LAP3: variants seen among roughly 807,000 people sequenced by gnomAD.
LAP3 encodes the protein leucine aminopeptidase 3, also known as cytosol aminopeptidase.
In LAP3, 46 loss-of-function variants were observed where a neutral mutation model predicts 58.8. That is an observed-to-expected ratio of 0.78 (90% CI 0.62 to 1.00). LAP3 has a LOEUF of 1.00. LAP3 is among the 50% of genes least tolerant of loss of function. The pLI is 0.00. For missense variants in LAP3, 615 were observed against 659.1 expected, an observed-to-expected ratio of 0.93 and a Z score of 0.73; for synonymous variants, 257 against 237.7, an observed-to-expected ratio of 1.08 and a Z score of -0.75.
chr4:17,581,868 C>T (rs769669550), intron 3 of LAP3, 54 bp downstream of exon 3: 8 of 1,368,288 alleles, frequency 5.8e-6, no homozygotes, highest in Admixed American at 1.7e-5. Context: ...CTACTGTACA[C>T]CAAGTATTGG....
intron 7 of LAP3, 76 bp downstream of exon 7, chr4:17,589,053 T>G (rs1486900599): frequency 4.7e-6 from 7 of 1,475,860 alleles, no homozygotes; most frequent in Non-Finnish European, 6.3e-6. Context: ...TTATAGGGTT[T>G]TTTGGTTTGA....
chr4:17,607,754 A>G lies in LAP3; in HGVS notation c.*165A>G, dbSNP rs1015952544. ...CCTTGATTTTTTTTTCATTTCACAC[A>G]AAGATTTATAAAGGTAAAGTTAATA... On this transcript the variant is annotated 3_prime_UTR_variant, in exon 13 of 13. Transcript: ENST00000226299. 2 of 528,414 alleles carry G rather than the reference A, an allele frequency of 3.8e-6. No individual in the cohort carries two copies. The highest frequency in any genetic ancestry group is 3.3e-6 in the Non-Finnish European group (1 of 304,890). The allele number at this position is 528,414 out of a possible 1,614,324, so 32.7% of individuals were successfully genotyped here.
chr4:17,589,122 G>A (rs186500602), intron 7 of LAP3, 145 bp downstream of exon 7: 26 of 781,130 alleles, frequency 3.3e-5, no homozygotes, highest in East Asian at 8.2e-5. Flanking sequence ...GTGCAGTGGC[G>A]TGATCTCGGC....
At chr4:17,587,167 G>A (rs1196914993) in intron 6 of LAP3, among the ~76,000 whole-genome samples, 3 of 152,208 alleles carry the variant, frequency 2.0e-5, no homozygotes, top group Non-Finnish European at 4.4e-5. Context: ...GTACAAGAGA[G>A]TGGGGCAGGA....
intron 7 of LAP3, 112 bp downstream of exon 7, chr4:17,589,089 C>T: frequency 9.1e-7 from 1 of 1,098,132 alleles, no homozygotes. Context: ...GAGGCAGAGT[C>T]TCACCCTGTC....
Position 17,585,120 on chromosome 4 carries a change from A to G in LAP3, c.688A>G (p.Thr230Ala), listed in dbSNP as rs1713471140. The G allele has an allele frequency of 1.2e-6, 2 of 1,613,298 alleles. No homozygotes were observed. Among genetic ancestry groups the G allele is most frequent in the Non-Finnish European group, 1.7e-6 (2 of 1,179,516 alleles). ...GAATCTCAAAAGTGCTAGTAGTAAA[A>G]CCGAGGTCCATATCAGGTAATTCAG... The part of the protein sequence containing the change: ...EKNLKSASSK[T>A]EVHIRPKSWI... The change falls in exon 6 of 13, where the codon ACC (threonine) becomes GCC (alanine). Residue 230 changes from threonine to alanine, a missense_variant. Thr to Ala is a moderately conservative substitution (Grantham distance 58). Transcript: ENST00000226299.
At chr4:17,587,169 G>T (rs963114652) in intron 6 of LAP3, among the ~76,000 whole-genome samples, 2 of 152,186 alleles carry the variant, frequency 1.3e-5, no homozygotes, top group African/African-American at 4.8e-5. Context: ...ACAAGAGAGT[G>T]GGGCAGGACA....
intron 6 of LAP3, chr4:17,585,737 A>G (rs990307750): frequency 6.6e-6 from 1 of 152,482 alleles, no homozygotes; most frequent in African/African-American, 2.4e-5. Flanking sequence ...TAGAATATTC[A>G]CAGAGTTGTG....
At chr4:17,581,704 C>T in intron 2 of LAP3, 56 bp from the exon 3 acceptor site, 2 of 1,400,190 alleles carry the variant, frequency 1.4e-6, no homozygotes, top group Admixed American at 1.7e-5. Context: ...AGTGTGCCTT[C>T]CCAAGTGAAC....
intron 1 of LAP3, 35 bp from the exon 2 acceptor site, chr4:17,579,789 A>C: frequency 2.6e-5 from 27 of 1,041,180 alleles, no homozygotes; most frequent in Non-Finnish European, 3.7e-5. Flanking sequence ...ATCTACTCTA[A>C]TTCTATTATA....
chr4:17,577,646 C>T (rs975618753), intron 1 of LAP3, 79 bp downstream of exon 1: 2 of 1,154,240 alleles, frequency 1.7e-6, no homozygotes, highest in Middle Eastern at 2.8e-4. Context: ...CTGGTCGAAG[C>T]CGCGGTGTCC....
At chr4:17,583,308 T>A in intron 4 of LAP3, 175 bp from the exon 5 acceptor site, 1 of 693,860 alleles carries the variant, frequency 1.4e-6, no homozygotes, top group Non-Finnish European at 2.5e-6. Context: ...TGCTGTAAAA[T>A]GCACTCACGT....
intron 10 of LAP3, among the ~76,000 whole-genome samples, chr4:17,601,331 A>G (rs563428413): frequency 6.6e-6 from 1 of 152,312 alleles, no homozygotes; most frequent in South Asian, 2.1e-4. Context: ...TAGCTATATA[A>G]TAAAATCATC....
chr4:17,588,869 C>T lies in LAP3; in HGVS notation c.755C>T (p.Ala252Val). The change falls in exon 7 of 13, where the codon GCC becomes GTC. Residue 252 changes from alanine to valine, a missense_variant. Physicochemically the swap from Ala to Val is moderately conservative, Grantham distance 64. Transcript: ENST00000226299. ...EQAMGSFLSV[A>V]KGSDEPPVFL... is the part of the protein sequence containing the mutation. Reference sequence around the variant, plus strand: ...GCAATGGGATCATTCCTCAGTGTGGCCAAAGGATCTGACGAGCCCCCAGTC... The same window carrying T: ...GCAATGGGATCATTCCTCAGTGTGGTCAAAGGATCTGACGAGCCCCCAGTC... 1 of 1,614,122 alleles carries T rather than the reference C, an allele frequency of 6.2e-7. No homozygotes were observed. The highest frequency in any genetic ancestry group is 1.6e-4 in the Middle Eastern group (1 of 6,062).
At chr4:17,600,025 C>T (rs1000134747) in intron 10 of LAP3, among the ~76,000 whole-genome samples, 5 of 152,132 alleles carry the variant, frequency 3.3e-5, no homozygotes, top group Non-Finnish European at 5.9e-5. Context: ...GGAATAGATT[C>T]CTAAAGGGAT....
At chr4:17,593,766 C>T (rs1713762069) in intron 7 of LAP3, among the ~76,000 whole-genome samples, 1 of 151,880 alleles carries the variant, frequency 6.6e-6, no homozygotes, top group South Asian at 2.1e-4. Context: ...ATGCGAACCA[C>T]TATGCCCAGC....
Position 17,580,186 on chromosome 4 carries a change from T to TATATATGTA in LAP3, c.218+247_218+248insATATATGTA, listed in dbSNP as rs58358985. On this transcript the variant is annotated intron_variant, in intron 2 of 12. Coordinates refer to ENST00000226299, the MANE Select transcript of LAP3 (RefSeq NM_015907.3). The stretch of plus-strand genomic sequence containing the variant: ...CTTTCATATATATATATATATGTAT[T>TATATATGTA]TTTTTTTTTTTTCAGTAGAGTTGGG... Among the ~76,000 whole-genome samples, 6 of 30,202 alleles carry TATATATGTA rather than the reference T, an allele frequency of 2.0e-4. 2 individuals are homozygous for TATATATGTA. The highest frequency in any genetic ancestry group is 1.4e-3 in the African/African-American group (6 of 4,360). The allele number at this position is 30,202 out of a possible 152,430, so 19.8% of individuals were successfully genotyped here.
At position 17,598,883 on chromosome 4, in the gene LAP3, C is replaced by T. The variant is rs186832193; in HGVS notation, c.1180+325C>T. 1.8e-4 allele frequency among the ~76,000 whole-genome samples: 28 copies of T among 151,734 alleles called. No homozygotes were observed. The East Asian group carries it at 5.1e-3, about 27-fold the overall frequency. On this transcript the variant is annotated intron_variant, in intron 10 of 12. Coordinates refer to ENST00000226299, the MANE Select transcript of LAP3 (RefSeq NM_015907.3). ...TCCCAAGTAGCTGGGGTTACAGGTACGCACCACCAGTCCTGGCGAATTTTT... is the reference window on the plus strand; with the variant it reads ...TCCCAAGTAGCTGGGGTTACAGGTATGCACCACCAGTCCTGGCGAATTTTT...
intron 2 of LAP3, among the ~76,000 whole-genome samples, chr4:17,580,180 A>ATATGTG (rs1305416546): frequency 3.2e-5 from 2 of 62,598 alleles, no homozygotes; most frequent in African/African-American, 8.8e-5. Flanking sequence ...ATATATATAT[A>ATATGTG]TGTATTTTTT....
Sources: allele counts gnomAD v4.1 joint callset (sites outside exome capture counted in the v4.1 genomes callset), GRCh38; gene constraint gnomAD v4.1.1; transcripts MANE v1.5; gene names NCBI Gene and HGNC (gene_info 2026-07-23, HGNC 2026-07-21).